Variants in PRPS1 observed in about 807,000 individuals in gnomAD.
PRPS1 encodes the protein ribose-phosphate pyrophosphokinase 1.
In PRPS1, 1 loss-of-function variant was observed where a neutral mutation model predicts 16.9. The ratio of observed to expected loss-of-function variants is 0.06; its 90% CI spans 0.02 to 0.28. The LOEUF (loss-of-function observed/expected upper bound fraction) is 0.28, where lower values mean the gene tolerates loss of function less well. Ranked by LOEUF, PRPS1 falls within the 10% of genes least tolerant of loss-of-function variation. PRPS1 has a pLI of 1.00. For missense variants in PRPS1, 47 were observed against 254.0 expected, an observed-to-expected ratio of 0.19 and a Z score of 5.54; for synonymous variants, 70 against 90.2, an observed-to-expected ratio of 0.78 and a Z score of 1.27.
At chrX:107,630,071 G>A (rs1313911281) in intron 1 of PRPS1, 2 of 112,098 alleles carry the variant, frequency 1.8e-5, no homozygotes, top group Non-Finnish European at 3.8e-5. Context: ...CCGAATTATT[G>A]TGCTACTGAT....
intron 2 of PRPS1, among the ~76,000 whole-genome samples, chrX:107,639,997 A>G (rs1049006686): frequency 8.9e-6 from 1 of 112,924 alleles, no homozygotes; most frequent in Non-Finnish European, 1.9e-5. Flanking sequence ...AATTTTACAC[A>G]CAATGCCTCG....
At chrX:107,644,339 T>G (rs987607854) in intron 4 of PRPS1, among the ~76,000 whole-genome samples, 1 of 111,292 alleles carries the variant, frequency 9.0e-6, no homozygotes, top group Non-Finnish European at 1.9e-5. Context: ...ACAGTGACAG[T>G]TGATGGATGT....
chrX:107,637,950 A>ATATTTT (rs1411479537), intron 1 of PRPS1, among the ~76,000 whole-genome samples: 2 of 98,363 alleles, frequency 2.0e-5, no homozygotes, highest in African/African-American at 7.6e-5. Flanking sequence ...ATATATATAT[A>ATATTTT]TTTTTTTGAT....
chrX:107,646,526 A>AG (rs1293633452), intron 5 of PRPS1, among the ~76,000 whole-genome samples: 4 of 112,249 alleles, frequency 3.6e-5, no homozygotes, highest in Non-Finnish European at 7.5e-5. Context: ...GGGATCCTGG[A>AG]GTAAACATTC....
intron 3 of PRPS1, 166 bp downstream of exon 3, chrX:107,641,166 C>G: frequency 8.7e-7 from 1 of 1,155,684 alleles, no homozygotes. Context: ...TGATCTTAGT[C>G]ATTTCAGGTG....
intron 6 of PRPS1, 117 bp downstream of exon 6, chrX:107,647,882 C>G: frequency 1.2e-6 from 1 of 829,964 alleles, no homozygotes; most frequent in Non-Finnish European, 1.7e-6. Flanking sequence ...AGGATTTAGT[C>G]TTGTCATCAG....
Position 107,650,287 on chromosome X carries a change from T to C in PRPS1, c.*255T>C, listed in dbSNP as rs1162800835. 2.0e-6 allele frequency: 1 copy of C among 488,962 alleles called. No individual in the cohort carries two copies. Among genetic ancestry groups the C allele is most frequent in the East Asian group, 3.9e-5 (1 of 25,631 alleles). The allele number at this position is 488,962 out of a possible 1,213,427, so 40.3% of individuals were successfully genotyped here. A position where few individuals can be genotyped will look rare whatever the true frequency, so the allele number is the denominator to read the frequency against. On this transcript the variant is annotated 3_prime_UTR_variant, in exon 7 of 7. Coordinates refer to ENST00000372435, the MANE Select transcript of PRPS1 (RefSeq NM_002764.4). ...CTTGCAGCTTTAACTATAGCTCAGC[T>C]GCTGCAAGATTTCAGACTTTTGAGG... is the stretch of plus-strand genomic sequence containing the variant.
chrX:107,629,847 C>G (rs1051524115), intron 1 of PRPS1, among the ~76,000 whole-genome samples: 1 of 112,308 alleles, frequency 8.9e-6, no homozygotes, highest in Non-Finnish European at 1.9e-5. Context: ...TATTGTTACC[C>G]TATCGATTAA....
rs908679196 is a variant in PRPS1 at position 107,632,851 on chromosome X, C to T, written c.122+4101C>T. On this transcript the variant is annotated intron_variant, in intron 1 of 6. Transcript: ENST00000372435. ...ATTCACGGACTTTTTAAGACTTTGT[C>T]AAACAAAGTCTGTATGTTATAGTAC... 4.5e-5 allele frequency among the ~76,000 whole-genome samples: 5 copies of T among 111,978 alleles called. No homozygotes were observed. The East Asian group carries it at 1.4e-3, about 31-fold the overall frequency.
At chrX:107,634,579 A>T (rs1925385699) in intron 1 of PRPS1, among the ~76,000 whole-genome samples, 1 of 110,090 alleles carries the variant, frequency 9.1e-6, no homozygotes, top group East Asian at 2.8e-4. Context: ...TGACAGCCAG[A>T]GGGATAAAGG....
intron 1 of PRPS1, among the ~76,000 whole-genome samples, chrX:107,637,958 G>T (rs1244011476): frequency 3.9e-5 from 4 of 102,555 alleles, no homozygotes; most frequent in African/African-American, 1.1e-4. Flanking sequence ...ATATTTTTTT[G>T]ATATGGAGTC....
intron 1 of PRPS1, among the ~76,000 whole-genome samples, chrX:107,634,580 G>A (rs972834486): frequency 1.3e-4 from 14 of 110,081 alleles, no homozygotes; most frequent in Non-Finnish European, 2.6e-4. Flanking sequence ...GACAGCCAGA[G>A]GGATAAAGGC....
chrX:107,644,594 TGTCTGTCCTCTACCC>T (rs1925647755), intron 4 of PRPS1, among the ~76,000 whole-genome samples: 1 of 111,882 alleles, frequency 8.9e-6, no homozygotes, highest in Admixed American at 9.5e-5. Flanking sequence ...CTGGTGAGGG[TGTCTGTCCTCTACCC>T]AGAATGAATA....
chrX:107,647,866 G>T (rs1925737890), intron 6 of PRPS1, 101 bp downstream of exon 6: 1 of 937,369 alleles, frequency 1.1e-6, no homozygotes, highest in Non-Finnish European at 1.5e-6. Context: ...TCTTTCTTTG[G>T]TCTGAAGGAT....
At chrX:107,632,611 T>C (rs1257292175) in intron 1 of PRPS1, among the ~76,000 whole-genome samples, 1 of 112,603 alleles carries the variant, frequency 8.9e-6, no homozygotes, top group African/African-American at 3.2e-5. Flanking sequence ...CCAAAGCCAT[T>C]TGGAGAACAC....
chrX:107,648,299 G>A (rs774691928), intron 6 of PRPS1, among the ~76,000 whole-genome samples: 1 of 111,961 alleles, frequency 8.9e-6, no homozygotes, highest in African/African-American at 3.2e-5. Context: ...AATTCCCCAA[G>A]TAATTGTTAG....
At chrX:107,632,196 CT>C (rs1224276959) in intron 1 of PRPS1, among the ~76,000 whole-genome samples, 5 of 112,235 alleles carry the variant, frequency 4.5e-5, no homozygotes, top group Admixed American at 3.8e-4. Flanking sequence ...GACAAGATCT[CT>C]CACCTGGCTT....
intron 4 of PRPS1, among the ~76,000 whole-genome samples, chrX:107,644,592 G>C (rs1003601941): frequency 2.0e-4 from 22 of 111,610 alleles, no homozygotes; most frequent in African/African-American, 7.2e-4. Flanking sequence ...TACTGGTGAG[G>C]GTGTCTGTCC....
Position 107,631,979 on chromosome X carries a change from G to A in PRPS1, c.122+3229G>A, listed in dbSNP as rs760264647. 8.0e-5 allele frequency among the ~76,000 whole-genome samples: 9 copies of A among 112,720 alleles called. No individual in the cohort carries two copies. The East Asian group carries it at 2.5e-3, about 31-fold the overall frequency. ...GCTGGGATTATAGGTGTGAGCTACC[G>A]TGCCCGGCTATAATATTTAATGTAT... On this transcript the variant is annotated intron_variant, in intron 1 of 6. Transcript: ENST00000372435.
Sources: gnomAD v4.1 joint callset for allele counts (sites outside exome capture counted in the v4.1 genomes callset) on GRCh38, gnomAD v4.1.1 for gene constraint, MANE v1.5 for transcripts, NCBI Gene and HGNC (gene_info 2026-07-23, HGNC 2026-07-21) for gene names.